NOTCH3: variants seen among roughly 807,000 people sequenced by gnomAD.
The protein encoded by NOTCH3 is neurogenic locus notch homolog protein 3.
In NOTCH3, 86 loss-of-function variants were observed where a neutral mutation model predicts 213.3. That is an observed-to-expected ratio of 0.40 (90% CI 0.34 to 0.48). The LOEUF (loss-of-function observed/expected upper bound fraction) is 0.48. Among genes scored for constraint, NOTCH3 ranks in the 20% least tolerant of loss-of-function variants. The pLI is 0.57. For missense variants in NOTCH3, 2,783 were observed against 3,272.6 expected (o/e 0.85, Z 3.65); for synonymous variants, 1,354 against 1,355.9 (o/e 1.00, Z 0.03).
chr19:15,167,581 T>C (rs1267587217), intron 28 of NOTCH3, among the ~76,000 whole-genome samples, 170 bp from the exon 29 acceptor site: 1 of 151,966 alleles, frequency 6.6e-6, no homozygotes, highest in African/African-American at 2.4e-5. Flanking sequence ...TGAGACAGAG[T>C]CTCGCTCTGT....
At chr19:15,178,142 G>T in intron 23 of NOTCH3, 52 bp from the exon 24 acceptor site, 1 of 1,152,476 alleles carries the variant, frequency 8.7e-7, no homozygotes, top group Non-Finnish European at 1.2e-6. Context: ...GGGGAGTGGA[G>T]GGAAGGAGGA....
At chr19:15,175,573 A>ATATATATG (rs1268751453) in intron 24 of NOTCH3, among the ~76,000 whole-genome samples, 4 of 38,172 alleles carry the variant, frequency 1.0e-4, no homozygotes, top group African/African-American at 3.4e-4. Flanking sequence ...ATATATATAT[A>ATATATATG]TGTATATATA....
chr19:15,160,986 G>T lies in NOTCH3; in HGVS notation c.6642C>A (p.Val2214=). 1 of 1,563,980 alleles carries T rather than the reference G, an allele frequency of 6.4e-7. No individual in the cohort carries two copies. The highest frequency in any genetic ancestry group is 8.7e-7 in the Non-Finnish European group (1 of 1,155,198). The change falls in exon 33 of 33, where the codon GTC becomes GTA. Residue 2214 remains valine (V), a synonymous_variant. Transcript: ENST00000263388. ...PQERPPPYLA[V]PGHGEEYPAA... ...CCGGGTACTCCTCGCCATGTCCTGGGACTGCCAGGTAAGGCGGGGGCCGCT... is the reference window on the plus strand; with the variant it reads ...CCGGGTACTCCTCGCCATGTCCTGGTACTGCCAGGTAAGGCGGGGGCCGCT...
intron 12 of NOTCH3, among the ~76,000 whole-genome samples, chr19:15,186,016 C>T (rs1219469871): frequency 1.3e-5 from 2 of 152,138 alleles, no homozygotes; most frequent in Non-Finnish European, 2.9e-5. Context: ...AAGCGATTCT[C>T]CCACCTCAGC....
chr19:15,178,414 A>G (rs1018165154), intron 23 of NOTCH3: 3 of 427,006 alleles, frequency 7.0e-6, no homozygotes, highest in Admixed American at 3.9e-5. Flanking sequence ...TTTGAGACGG[A>G]GTGTCACTCA....
Position 15,187,216 on chromosome 19 carries a change from T to G in NOTCH3, c.1729A>C (p.Thr577Pro), listed in dbSNP as rs368181126. ...SCACAPGYTG[T>P]RCESQVDECR... ...TCGTCCACCTGGCTCTCGCAGCGTG[T>G]GCCCGTGTAGCCAGGAGCACAGGCA... Residue 577 changes from threonine (T) to proline (P), a missense_variant, in exon 11 of 33, where the codon ACA (threonine) becomes CCA (proline). Around this residue, in one of 6 missense-constraint regions of NOTCH3, gnomAD observed 708 missense variants for 906.6 expected, o/e 0.78. Coordinates refer to ENST00000263388, the MANE Select transcript of NOTCH3 (RefSeq NM_000435.3). 6.2e-7 allele frequency: 1 copy of G among 1,614,106 alleles called. No individual in the cohort carries two copies. Among genetic ancestry groups the G allele is most frequent in the South Asian group, 1.1e-5 (1 of 91,086 alleles).
Position 15,177,616 on chromosome 19 carries a change from T to C in NOTCH3, c.4312A>G (p.Asn1438Asp). Residue 1438 changes from asparagine (N) to aspartate (D), a missense_variant, in exon 24 of 33, where the codon AAC (asparagine) becomes GAC (aspartate). Transcript: ENST00000263388. The part of the protein sequence containing the change: ...CEALQCWRLF[N>D]NSRCDPACSS... ...CAGGCGGGGTCGCAGCGGCTGTTGTTGAAGAGGCGCCAGCACTGCAGCGCC... is the reference window on the plus strand; with the variant it reads ...CAGGCGGGGTCGCAGCGGCTGTTGTCGAAGAGGCGCCAGCACTGCAGCGCC... 1 of 1,590,728 alleles carries C rather than the reference T, an allele frequency of 6.3e-7. No homozygotes were observed. Among genetic ancestry groups the C allele is most frequent in the Non-Finnish European group, 8.5e-7 (1 of 1,171,446 alleles).
chr19:15,173,092 CTTCTTCTTCTTCTTTTTTTTTTTTTT>C (rs1568351322), intron 25 of NOTCH3, among the ~76,000 whole-genome samples: 1,145 of 41,988 alleles, frequency 0.027, 245 homozygotes, highest in African/African-American at 0.19. Flanking sequence ...TCTTCTTCTT[CTTCTTCTTCTTCTTTTTTTTTTTTTT>C]TTTTTTTTTT....
At chr19:15,167,214 AG>A in intron 29 of NOTCH3, 34 bp downstream of exon 29, 1 of 1,603,136 alleles carries the variant, frequency 6.2e-7, no homozygotes, top group Non-Finnish European at 8.5e-7. Context: ...AGGATGGGTG[AG>A]GGGCATCCCT....
chr19:15,181,030 G>T lies in NOTCH3; in HGVS notation c.2925C>A (p.Gly975=), dbSNP rs976081002. 1.2e-6 allele frequency: 2 copies of T among 1,601,560 alleles called. No homozygotes were observed. The highest frequency in any genetic ancestry group is 1.1e-5 in the South Asian group (1 of 89,188). Residue 975 remains glycine, a synonymous_variant, in exon 18 of 33, where the codon GGC becomes GGA. Coordinates refer to ENST00000263388, the MANE Select transcript of NOTCH3 (RefSeq NM_000435.3). ...AGCCAGGGTGGGCGGCGCTGCAGAC[G>T]CCCCCGTGTAGGCAGGGCCGCGAGA... ...PCLSRPCLHG[G]VCSAAHPGFR...
At chr19:15,197,354 A>T (rs1228520430) in intron 2 of NOTCH3, 146 bp downstream of exon 2, 1 of 771,874 alleles carries the variant, frequency 1.3e-6, no homozygotes, top group African/African-American at 1.7e-5. Context: ...CCAATGGGGA[A>T]ACACGAGAGG....
rs1303286003 is a variant in NOTCH3 at position 15,185,025 on chromosome 19, G to A, written c.2297-6C>T. ...GAGGAGTTCACACTGACGTCCTGTT[G>A]GGGGTGGAAGAGAGGGAAGCAGAGA... On this transcript the variant is annotated splice_polypyrimidine_tract_variant and splice_region_variant and intron_variant, in intron 14 of 32. Coordinates refer to ENST00000263388, the MANE Select transcript of NOTCH3 (RefSeq NM_000435.3). This position sits in a 1 kb window ranked among gnomAD's most constrained non-coding sequence, Gnocchi z 4.2. The A allele has an allele frequency of 6.9e-7, 1 of 1,443,724 alleles. No individual in the cohort carries two copies. Among genetic ancestry groups the A allele is most frequent in the Non-Finnish European group, 9.4e-7 (1 of 1,061,432 alleles). 89.4% of individuals were successfully genotyped at this position (1,443,724 alleles called of 1,614,324 possible).
intron 2 of NOTCH3, 60 bp downstream of exon 2, chr19:15,197,440 C>CGGGGG: frequency 2.2e-5 from 18 of 800,682 alleles, no homozygotes; most frequent in Non-Finnish European, 3.3e-5. Flanking sequence ...GAAGACAAAT[C>CGGGGG]GCCCCTCCCC....
Position 15,179,349 on chromosome 19 carries a change from C to A in NOTCH3, c.3460+15G>T. ...AGCCTCTCATCCTGTCCCCCCAACC[C>A]TGGCCCTGGCATACCCAGCGTTCCT... On this transcript the variant is annotated intron_variant, in intron 21 of 32. Coordinates refer to ENST00000263388, the MANE Select transcript of NOTCH3 (RefSeq NM_000435.3). 1 of 1,611,246 alleles carries A rather than the reference C, an allele frequency of 6.2e-7. No homozygotes were observed.
At chr19:15,184,205 A>G in intron 16 of NOTCH3, 90 bp downstream of exon 16, 2 of 1,291,808 alleles carry the variant, frequency 1.5e-6, no homozygotes, top group Non-Finnish European at 2.2e-6. Context: ...AACTGTGAAG[A>G]TGAAATGACA....
At chr19:15,171,333 G>GT (rs1030784898) in intron 25 of NOTCH3, among the ~76,000 whole-genome samples, 7 of 146,044 alleles carry the variant, frequency 4.8e-5, no homozygotes, top group South Asian at 2.1e-4. Flanking sequence ...TGCCTGGCCT[G>GT]TTTTTTTTGT....
chr19:15,178,444 A>C, intron 23 of NOTCH3: 1 of 436,054 alleles, frequency 2.3e-6, no homozygotes, highest in African/African-American at 2.0e-5. Context: ...CTGGAGTGCA[A>C]TGGCGTGATG....
chr19:15,176,008 G>C (rs142443568), intron 24 of NOTCH3, among the ~76,000 whole-genome samples: 1 of 151,790 alleles, frequency 6.6e-6, no homozygotes, highest in Non-Finnish European at 1.5e-5. Context: ...GACAGACAGA[G>C]AGAGGGGCAG....
At chr19:15,175,096 T>C (rs1234344391) in intron 24 of NOTCH3, among the ~76,000 whole-genome samples, 1 of 152,130 alleles carries the variant, frequency 6.6e-6, no homozygotes. Context: ...CTGACTACCA[T>C]GTGTTGGGCA....
Sources: allele counts gnomAD v4.1 joint callset (sites outside exome capture counted in the v4.1 genomes callset), GRCh38; gene constraint gnomAD v4.1.1; regional missense constraint gnomAD v4.1.1; non-coding constraint Gnocchi (gnomAD v3.1); transcripts MANE v1.5; gene names NCBI Gene and HGNC (gene_info 2026-07-23, HGNC 2026-07-21).